CDH13: variants seen among roughly 807,000 people sequenced by gnomAD.
CDH13 encodes the protein cadherin-13.
A neutral mutation model predicts 63.8 loss-of-function variants in CDH13; 24 were observed. That is an observed-to-expected ratio of 0.38 (90% confidence interval 0.27 to 0.53). CDH13 has a LOEUF of 0.53. Ranked by LOEUF, CDH13 falls within the 20% of genes least tolerant of loss-of-function variation. The pLI is 0.85. For synonymous variants in CDH13, 503 were observed against 355.3 expected (o/e 1.42, Z -4.67); for missense variants, 1,049 against 903.1 (o/e 1.16, Z -2.07).
chr16:82,947,031 T>TGTGTGC (rs1833029564), intron 2 of CDH13, among the ~76,000 whole-genome samples: 1 of 151,244 alleles, frequency 6.6e-6, no homozygotes, highest in Non-Finnish European at 1.5e-5. Context: ...TGTGTGTGTG[T>TGTGTGC]GTGTGTGTGT....
At chr16:83,789,426 A>C (rs1245428169) in intron 13 of CDH13, among the ~76,000 whole-genome samples, 1 of 149,712 alleles carries the variant, frequency 6.7e-6, no homozygotes, top group Non-Finnish European at 1.5e-5. Flanking sequence ...GGCTCACTGC[A>C]ACTTCTGCCT....
intron 10 of CDH13, among the ~76,000 whole-genome samples, chr16:83,693,252 A>G (rs1463840431): frequency 6.6e-6 from 1 of 152,200 alleles, no homozygotes; most frequent in Non-Finnish European, 1.5e-5. Context: ...GGGGAGGAAT[A>G]GTAATATCTA....
chr16:83,195,581 G>A (rs948087493), intron 4 of CDH13, among the ~76,000 whole-genome samples: 1 of 152,044 alleles, frequency 6.6e-6, no homozygotes, highest in Non-Finnish European at 1.5e-5. Context: ...TAGGAGGGTG[G>A]TGCTAAACCA....
chr16:83,305,116 C>G (rs1391057260), intron 5 of CDH13, among the ~76,000 whole-genome samples: 2 of 152,152 alleles, frequency 1.3e-5, no homozygotes, highest in Non-Finnish European at 2.9e-5. Context: ...CTCTCCTGCT[C>G]TGAAGGGGGC....
At chr16:83,454,221 C>G (rs967054550) in intron 6 of CDH13, among the ~76,000 whole-genome samples, 1 of 152,150 alleles carries the variant, frequency 6.6e-6, no homozygotes, top group African/African-American at 2.4e-5. Flanking sequence ...AAAGATTAAC[C>G]AGAAGACGTC....
At chr16:83,461,561 G>A (rs1405649508) in intron 6 of CDH13, among the ~76,000 whole-genome samples, 5 of 152,146 alleles carry the variant, frequency 3.3e-5, no homozygotes, top group African/African-American at 1.2e-4. Flanking sequence ...AACAATATTG[G>A]GGTCTTAGTT....
chr16:83,318,100 G>C (rs2090143755), intron 5 of CDH13, among the ~76,000 whole-genome samples: 1 of 152,170 alleles, frequency 6.6e-6, no homozygotes, highest in Non-Finnish European at 1.5e-5. Context: ...AGAGTAACTA[G>C]AAAGATTGAA....
intron 6 of CDH13, among the ~76,000 whole-genome samples, chr16:83,465,405 A>G (rs976127159): frequency 1.5e-4 from 23 of 152,206 alleles, no homozygotes; most frequent in Admixed American, 4.6e-4. Context: ...CTGAGTTTGG[A>G]GTTGGAATAG....
intron 1 of CDH13, among the ~76,000 whole-genome samples, chr16:82,821,752 C>G (rs189439420): frequency 2.0e-4 from 30 of 152,282 alleles, no homozygotes; most frequent in Non-Finnish European, 3.5e-4. Flanking sequence ...TCATTGAGGG[C>G]TCCCCTAAAA....
chr16:83,443,594 G>A (rs1192619735), intron 6 of CDH13, among the ~76,000 whole-genome samples: 1 of 151,582 alleles, frequency 6.6e-6, no homozygotes, highest in Admixed American at 6.6e-5. Flanking sequence ...GTGTCAGACT[G>A]GGCTGGTGGT....
intron 1 of CDH13, among the ~76,000 whole-genome samples, chr16:82,774,773 A>G (rs976817419): frequency 6.6e-6 from 1 of 152,136 alleles, no homozygotes; most frequent in African/African-American, 2.4e-5. Context: ...AGAGCCTGTG[A>G]GCGGGTTTAA....
At chr16:83,121,128 A>AT (rs1174477198) in intron 3 of CDH13, among the ~76,000 whole-genome samples, 2 of 151,868 alleles carry the variant, frequency 1.3e-5, no homozygotes, top group Non-Finnish European at 2.9e-5. Flanking sequence ...GTTTTGTTAT[A>AT]TTATTCTTGC....
At chr16:83,360,218 G>T (rs141204195) in intron 6 of CDH13, among the ~76,000 whole-genome samples, 2 of 152,166 alleles carry the variant, frequency 1.3e-5, no homozygotes, top group African/African-American at 2.4e-5. Context: ...ACCATTCTTC[G>T]TCAAGATTAG....
intron 13 of CDH13, among the ~76,000 whole-genome samples, chr16:83,788,987 A>T (rs1193074518): frequency 6.6e-6 from 1 of 152,226 alleles, no homozygotes; most frequent in Non-Finnish European, 1.5e-5. Flanking sequence ...TGGTCTGGTC[A>T]TGTGTAAAAG....
At chr16:82,658,644 C>T (rs1345298868) in intron 1 of CDH13, among the ~76,000 whole-genome samples, 1 of 152,124 alleles carries the variant, frequency 6.6e-6, no homozygotes, top group African/African-American at 2.4e-5. Flanking sequence ...GTACTGATCT[C>T]CAAGGGTGGT....
chr16:83,674,471 A>G (rs995464974), intron 9 of CDH13, among the ~76,000 whole-genome samples: 1 of 152,226 alleles, frequency 6.6e-6, no homozygotes, highest in Non-Finnish European at 1.5e-5. Context: ...CCCCCGGCCA[A>G]TTTCCCGTGA....
intron 2 of CDH13, among the ~76,000 whole-genome samples, chr16:82,955,287 A>G (rs1255644760): frequency 1.3e-5 from 2 of 152,220 alleles, no homozygotes; most frequent in Non-Finnish European, 2.9e-5. Flanking sequence ...AAGGAGAAAA[A>G]TCAGCATCAG....
At chr16:82,847,724 A>T (rs576966240) in intron 1 of CDH13, among the ~76,000 whole-genome samples, 2 of 152,246 alleles carry the variant, frequency 1.3e-5, no homozygotes, top group South Asian at 4.1e-4. Context: ...GCGTTATCTC[A>T]TTAAAGCTTC....
chr16:82,774,717 C>G (rs528103818), intron 1 of CDH13, among the ~76,000 whole-genome samples: 1 of 152,176 alleles, frequency 6.6e-6, no homozygotes, highest in Admixed American at 6.5e-5. Flanking sequence ...CTGTATCCAC[C>G]AGGATAGGTG....
Sources: allele counts gnomAD v4.1 joint callset (sites outside exome capture counted in the v4.1 genomes callset), GRCh38; gene constraint gnomAD v4.1.1; transcripts MANE v1.5; gene names NCBI Gene and HGNC (gene_info 2026-07-23, HGNC 2026-07-21).